The following DCC variants were observed in gnomAD, a reference collection of about 807,000 sequenced individuals.
DCC encodes netrin receptor DCC.
A neutral mutation model predicts 172.5 loss-of-function variants in DCC; 58 were observed. The ratio of observed to expected loss-of-function variants is 0.34; its 90% confidence interval spans 0.27 to 0.42. DCC has a LOEUF of 0.42. Among genes scored for constraint, DCC ranks in the 10% least tolerant of loss-of-function variants. The pLI is 1.00. For missense variants in DCC, 1,740 were observed against 1,791.0 expected (o/e 0.97, Z 0.51); for synonymous variants, 709 against 644.5 (o/e 1.10, Z -1.52).
intron 1 of DCC, among the ~76,000 whole-genome samples, chr18:52,635,579 T>G (rs2034760488): frequency 6.6e-6 from 1 of 152,218 alleles, no homozygotes; most frequent in African/African-American, 2.4e-5. Flanking sequence ...TAATGACAAT[T>G]TATAAGGCTA....
At chr18:52,475,802 A>AT (rs1226947833) in intron 1 of DCC, among the ~76,000 whole-genome samples, 1 of 152,116 alleles carries the variant, frequency 6.6e-6, no homozygotes, top group East Asian at 1.9e-4. Context: ...TCAAAACAAC[A>AT]TTTTTTGCCT....
intron 2 of DCC, among the ~76,000 whole-genome samples, chr18:52,868,999 G>T (rs1441157179): frequency 1.3e-5 from 2 of 152,220 alleles, no homozygotes; most frequent in African/African-American, 4.8e-5. Context: ...TACTGGAGAT[G>T]GCAGGAACTG....
intron 9 of DCC, among the ~76,000 whole-genome samples, chr18:53,197,624 A>G (rs1041843527): frequency 6.6e-6 from 1 of 152,070 alleles, no homozygotes; most frequent in African/African-American, 2.4e-5. Flanking sequence ...AGCCTCGTTC[A>G]GTATTAGGAA....
intron 1 of DCC, among the ~76,000 whole-genome samples, chr18:52,748,392 C>T (rs910678394): frequency 1.3e-5 from 2 of 152,242 alleles, no homozygotes; most frequent in African/African-American, 4.8e-5. Context: ...TGTGTCAGAG[C>T]TCTGGCTCCG....
At chr18:52,601,340 T>C (rs1423171325) in intron 1 of DCC, among the ~76,000 whole-genome samples, 1 of 152,124 alleles carries the variant, frequency 6.6e-6, no homozygotes, top group Non-Finnish European at 1.5e-5. Context: ...GACTCAACTT[T>C]GTAGTTTACA....
intron 12 of DCC, among the ~76,000 whole-genome samples, chr18:53,292,636 C>CA (rs1319378216): frequency 1.3e-5 from 2 of 152,174 alleles, no homozygotes. Flanking sequence ...TTGCAGTGAG[C>CA]CGAGATCGTG....
intron 1 of DCC, among the ~76,000 whole-genome samples, chr18:52,539,695 T>C (rs2032385075): frequency 6.6e-6 from 1 of 152,236 alleles, no homozygotes; most frequent in African/African-American, 2.4e-5. Context: ...GGAACTGCTG[T>C]ATTATACAAC....
chr18:53,430,975 A>G (rs1486392209), intron 21 of DCC, among the ~76,000 whole-genome samples: 1 of 152,168 alleles, frequency 6.6e-6, no homozygotes, highest in Non-Finnish European at 1.5e-5. Context: ...CCCATCTTTT[A>G]AATAAAATGT....
intron 2 of DCC, among the ~76,000 whole-genome samples, chr18:52,869,720 C>A: frequency 6.6e-6 from 1 of 152,214 alleles, no homozygotes; most frequent in East Asian, 1.9e-4. Context: ...TAGAGGGGGC[C>A]AAAGTCTGCT....
At chr18:52,761,612 T>G (rs2037160853) in intron 2 of DCC, among the ~76,000 whole-genome samples, 1 of 152,184 alleles carries the variant, frequency 6.6e-6, no homozygotes, top group Non-Finnish European at 1.5e-5. Flanking sequence ...AATTTATCTT[T>G]TCATTCTATG....
At chr18:53,128,866 CACACATATATAT>C (rs1365371451) in intron 7 of DCC, among the ~76,000 whole-genome samples, 22 of 86,914 alleles carry the variant, frequency 2.5e-4, no homozygotes, top group African/African-American at 1.1e-3. Context: ...CACACACACA[CACACATATATAT>C]ATATATATAT....
chr18:52,766,715 T>C (rs1405772596), intron 2 of DCC, among the ~76,000 whole-genome samples: 2 of 151,948 alleles, frequency 1.3e-5, no homozygotes, highest in African/African-American at 4.8e-5. Flanking sequence ...ATGGGGTCTT[T>C]ACAGGCACAT....
intron 1 of DCC, among the ~76,000 whole-genome samples, chr18:52,609,286 G>A (rs1158122440): frequency 2.6e-5 from 4 of 152,094 alleles, no homozygotes; most frequent in African/African-American, 4.8e-5. Context: ...AAGTGAATAC[G>A]ATTTATCTAA....
chr18:53,290,273 C>T (rs144911431), intron 12 of DCC, among the ~76,000 whole-genome samples: 23 of 152,256 alleles, frequency 1.5e-4, no homozygotes, highest in African/African-American at 5.3e-4. Flanking sequence ...AGGAGAAAGC[C>T]ACAAAACACT....
intron 5 of DCC, among the ~76,000 whole-genome samples, chr18:52,992,583 G>A (rs2041410970): frequency 6.6e-6 from 1 of 152,162 alleles, no homozygotes; most frequent in East Asian, 1.9e-4. Flanking sequence ...ACCTCCTTAA[G>A]CCACTGATTC....
At chr18:53,263,973 G>A (rs56014741) in intron 12 of DCC, among the ~76,000 whole-genome samples, 7,043 of 152,044 alleles carry the variant, frequency 0.046, 564 homozygotes, top group African/African-American at 0.16. Context: ...TCTGATTTAT[G>A]TGTAATATAA....
At chr18:52,385,737 A>G (rs1813442410) in intron 1 of DCC, among the ~76,000 whole-genome samples, 1 of 152,102 alleles carries the variant, frequency 6.6e-6, no homozygotes, top group African/African-American at 2.4e-5. Context: ...TAACCTAGCT[A>G]GACCAAATGA....
chr18:53,306,986 C>T (rs1039060175), intron 13 of DCC, among the ~76,000 whole-genome samples: 1 of 152,146 alleles, frequency 6.6e-6, no homozygotes, highest in Non-Finnish European at 1.5e-5. Flanking sequence ...TTATGTATTC[C>T]TTTTCTCTAC....
At chr18:52,869,221 G>A (rs956670370) in intron 2 of DCC, among the ~76,000 whole-genome samples, 3 of 152,246 alleles carry the variant, frequency 2.0e-5, no homozygotes, top group Admixed American at 2.0e-4. Flanking sequence ...GCGCAGACAA[G>A]TGGAGGGTGA....
Sources: gnomAD v4.1 joint callset for allele counts (sites outside exome capture counted in the v4.1 genomes callset) on GRCh38, gnomAD v4.1.1 for gene constraint, MANE v1.5 for transcripts, NCBI Gene and HGNC (gene_info 2026-07-23, HGNC 2026-07-21) for gene names.